NEK10: variants seen among roughly 807,000 people sequenced by gnomAD.
NEK10 encodes serine/threonine-protein kinase Nek10.
A neutral mutation model predicts 159.8 loss-of-function variants in NEK10; 122 were observed. That is an observed-to-expected ratio of 0.76 (90% CI 0.66 to 0.89). The LOEUF is 0.89. NEK10 is among the 40% of genes least tolerant of loss of function. The pLI is 0.00. For synonymous variants in NEK10, 466 were observed against 457.1 expected (o/e 1.02, Z -0.25); for missense variants, 1,342 against 1,323.1 (o/e 1.01, Z -0.22).
chr3:27,173,521 T>A (rs1024396383), intron 28 of NEK10, among the ~76,000 whole-genome samples: 1 of 152,138 alleles, frequency 6.6e-6, no homozygotes, highest in Non-Finnish European at 1.5e-5. Context: ...AAAACTGGGG[T>A]TGTCCCAGAA....
At chr3:27,316,823 AAG>A (rs1307631123) in intron 6 of NEK10, among the ~76,000 whole-genome samples, 2 of 152,164 alleles carry the variant, frequency 1.3e-5, no homozygotes, top group Non-Finnish European at 2.9e-5. Context: ...GACAGAGAGA[AAG>A]AGAGAGTTTT....
intron 26 of NEK10, among the ~76,000 whole-genome samples, chr3:27,175,101 C>CG (rs545786309): frequency 6.6e-6 from 1 of 152,018 alleles, no homozygotes; most frequent in Admixed American, 6.6e-5. Flanking sequence ...AACCCAGTAG[C>CG]GGGGGGAAAT....
intron 26 of NEK10, among the ~76,000 whole-genome samples, chr3:27,175,577 A>C (rs1272454979): frequency 6.6e-6 from 1 of 152,214 alleles, no homozygotes; most frequent in Non-Finnish European, 1.5e-5. Context: ...TCATTTTTCT[A>C]AGAGAAAGAC....
At chr3:27,290,887 A>G in intron 18 of NEK10, 133 bp from the exon 19 acceptor site, 1 of 695,456 alleles carries the variant, frequency 1.4e-6, no homozygotes, top group Admixed American at 3.2e-5. Flanking sequence ...CAGAGCATTT[A>G]AAGTTCCAGC....
chr3:27,269,656 T>C (rs558986617), intron 22 of NEK10, among the ~76,000 whole-genome samples: 1 of 152,190 alleles, frequency 6.6e-6, no homozygotes, highest in South Asian at 2.1e-4. Flanking sequence ...AACCAAAAAG[T>C]TTATATGACT....
intron 29 of NEK10, among the ~76,000 whole-genome samples, chr3:27,170,287 C>A (rs1946838129): frequency 6.6e-6 from 1 of 152,212 alleles, no homozygotes; most frequent in Admixed American, 6.5e-5. Flanking sequence ...CCAACCTCAA[C>A]AGGTGCCCCA....
intron 23 of NEK10, among the ~76,000 whole-genome samples, chr3:27,211,346 A>C (rs1278718624): frequency 6.6e-6 from 1 of 152,218 alleles, no homozygotes; most frequent in Non-Finnish European, 1.5e-5. Flanking sequence ...CTGTGACAAT[A>C]AGTGAGCTAG....
chr3:27,238,409 T>A (rs573578150), intron 23 of NEK10, among the ~76,000 whole-genome samples: 3 of 152,178 alleles, frequency 2.0e-5, no homozygotes, highest in Non-Finnish European at 4.4e-5. Context: ...TTAATGGGAT[T>A]TTTTCTTCAT....
At chr3:27,164,042 C>T (rs537859282) in intron 29 of NEK10, among the ~76,000 whole-genome samples, 19 of 152,324 alleles carry the variant, frequency 1.2e-4, no homozygotes, top group Non-Finnish European at 2.4e-4. Flanking sequence ...TCTTGATCCT[C>T]ACCAGGCTAA....
rs751099969 is a variant in NEK10, at chr3:27,301,734, G to A, written c.1130C>T (p.Pro377Leu). The change falls in exon 13 of 36, where the codon CCT (proline) becomes CTT (leucine). Residue 377 changes from proline to leucine, a missense_variant. Pro to Leu is a moderately conservative substitution (Grantham distance 98). Transcript: ENST00000691995. ...QQLHLSEDLS[P>L]REIQENTFSL... is the part of the protein sequence containing the mutation. ...GAAAGTATTTTCTTGTATTTCCCTAGGGCTCAAGTCTTCTGATAAATGAAG... is the reference window on the plus strand; with the variant it reads ...GAAAGTATTTTCTTGTATTTCCCTAAGGCTCAAGTCTTCTGATAAATGAAG... The A allele has an allele frequency of 6.3e-7, 1 of 1,578,004 alleles. No individual in the cohort carries two copies. Among genetic ancestry groups the A allele is most frequent in the Non-Finnish European group, 8.6e-7 (1 of 1,158,994 alleles).
At chr3:27,252,434 A>C (rs1057039798) in intron 23 of NEK10, among the ~76,000 whole-genome samples, 3 of 152,212 alleles carry the variant, frequency 2.0e-5, no homozygotes, top group Non-Finnish European at 4.4e-5. Context: ...GGGAATTAAA[A>C]ATTTGTTACA....
At chr3:27,299,753 A>G (rs2043654004) in intron 13 of NEK10, among the ~76,000 whole-genome samples, 1 of 152,236 alleles carries the variant, frequency 6.6e-6, no homozygotes, top group African/African-American at 2.4e-5. Flanking sequence ...CAAGACATGG[A>G]GTCAAAGGAG....
intron 22 of NEK10, among the ~76,000 whole-genome samples, chr3:27,271,048 C>T (rs1030321760): frequency 1.3e-5 from 2 of 151,976 alleles, no homozygotes; most frequent in Admixed American, 1.3e-4. Flanking sequence ...TATTGCTTAT[C>T]CCTGTAGACT....
intron 11 of NEK10, 83 bp downstream of exon 11, chr3:27,307,776 A>G: frequency 1.3e-6 from 1 of 746,420 alleles, no homozygotes; most frequent in Non-Finnish European, 2.4e-6. Flanking sequence ...CAATGTAAAT[A>G]ACATGACGTA....
chr3:27,297,905 G>A (rs2043481308), intron 13 of NEK10, among the ~76,000 whole-genome samples: 1 of 152,058 alleles, frequency 6.6e-6, no homozygotes, highest in African/African-American at 2.4e-5. Context: ...CTCCTATAAA[G>A]GATAATTCCA....
intron 23 of NEK10, among the ~76,000 whole-genome samples, chr3:27,246,954 A>G (rs1575432862): frequency 6.6e-6 from 1 of 152,178 alleles, no homozygotes; most frequent in Non-Finnish European, 1.5e-5. Context: ...TTGATTTTGT[A>G]TCCTGCAGCT....
intron 29 of NEK10, among the ~76,000 whole-genome samples, chr3:27,168,528 C>A (rs1946679185): frequency 6.6e-6 from 1 of 152,060 alleles, no homozygotes; most frequent in Admixed American, 6.6e-5. Context: ...CAGAGAAGCC[C>A]CAGGGATTAC....
intron 20 of NEK10, among the ~76,000 whole-genome samples, chr3:27,285,341 T>C (rs1179545656): frequency 1.3e-5 from 2 of 152,106 alleles, no homozygotes; most frequent in African/African-American, 4.8e-5. Context: ...CTCCCAGTAG[T>C]CTAAAATTTA....
At chr3:27,138,472 G>A (rs1218973014) in intron 31 of NEK10, among the ~76,000 whole-genome samples, 1 of 152,072 alleles carries the variant, frequency 6.6e-6, no homozygotes, top group East Asian at 1.9e-4. Flanking sequence ...CCTTTCTTGG[G>A]TGCTCTGCCT....
Sources: allele counts gnomAD v4.1 joint callset (sites outside exome capture counted in the v4.1 genomes callset), GRCh38; gene constraint gnomAD v4.1.1; transcripts MANE v1.5; gene names NCBI Gene and HGNC (gene_info 2026-07-23, HGNC 2026-07-21).